Variants in ATG10 observed in about 807,000 individuals in gnomAD.
The protein encoded by ATG10 is autophagy related 10.
Under a neutral mutation model 32.1 loss-of-function variants are expected in ATG10, and 30 were observed. The observed-to-expected ratio is 0.94, with a 90% confidence interval of 0.70 to 1.27. ATG10 has a LOEUF of 1.27. ATG10 is among the 50% of genes most tolerant of loss of function. The pLI is 0.00. For missense variants in ATG10, 233 were observed against 262.3 expected (o/e 0.89, Z 0.77); for synonymous variants, 87 against 91.5 (o/e 0.95, Z 0.28).
intron 5 of ATG10, among the ~76,000 whole-genome samples, chr5:82,190,773 C>CAAAA (rs35513819): frequency 4.5e-4 from 24 of 53,652 alleles, no homozygotes; most frequent in East Asian, 7.4e-4. Context: ...GACTCCATCT[C>CAAAA]AAAAAAAAAA....
chr5:82,002,318 T>C (rs945185516), intron 2 of ATG10, among the ~76,000 whole-genome samples: 1 of 152,190 alleles, frequency 6.6e-6, no homozygotes, highest in African/African-American at 2.4e-5. Context: ...GGAATATAAA[T>C]CATTCTGCCA....
At chr5:82,028,937 C>A (rs1762668461) in intron 2 of ATG10, among the ~76,000 whole-genome samples, 1 of 151,992 alleles carries the variant, frequency 6.6e-6, no homozygotes, top group Non-Finnish European at 1.5e-5. Flanking sequence ...AAAAATGATA[C>A]AATTGTGGTT....
At position 82,164,535 on chromosome 5, in the gene ATG10, T is replaced by A. The variant is rs767228438; in HGVS notation, c.353T>A (p.Leu118Ter). ...VPVLYFRASF[L>*]DGRPLTLKDI... is the part of the protein sequence containing the mutation. ...GTACTTTACTTTAGGGCAAGCTTTT[T>A]AGGTAAGAACATGTCTGAAGCTAAA... The change falls in exon 4 of 8, where the codon TTA becomes TAA. Residue 118 changes from leucine (L) to a stop codon, truncating the protein, a stop_gained and splice_region_variant. Transcript: ENST00000282185. LOFTEE classifies it high-confidence loss of function. 1 of 1,610,330 alleles carries A rather than the reference T, an allele frequency of 6.2e-7. No individual in the cohort carries two copies. The highest frequency in any genetic ancestry group is 2.2e-5 in the East Asian group (1 of 44,836).
At chr5:82,083,877 CAA>C (rs1209970205) in intron 3 of ATG10, among the ~76,000 whole-genome samples, 3 of 152,220 alleles carry the variant, frequency 2.0e-5, no homozygotes, top group African/African-American at 4.8e-5. Context: ...TGCAGAGAAA[CAA>C]GAGCAGAAAA....
intron 3 of ATG10, among the ~76,000 whole-genome samples, chr5:82,157,128 C>T (rs1168664358): frequency 6.6e-6 from 1 of 152,118 alleles, no homozygotes; most frequent in African/African-American, 2.4e-5. Flanking sequence ...AGGTTTTAAT[C>T]CTGCACAGGA....
intron 3 of ATG10, among the ~76,000 whole-genome samples, chr5:82,136,185 C>T (rs1453900743): frequency 1.3e-5 from 2 of 152,104 alleles, no homozygotes; most frequent in African/African-American, 4.8e-5. Context: ...TCCAATTTAC[C>T]AGTCTGTGTC....
At chr5:82,136,061 G>C (rs1350988768) in intron 3 of ATG10, among the ~76,000 whole-genome samples, 2 of 151,204 alleles carry the variant, frequency 1.3e-5, no homozygotes, top group South Asian at 4.2e-4. Flanking sequence ...TTGTTTTTTT[G>C]CTTTCCATTT....
At chr5:82,033,364 T>G (rs1168481573) in intron 2 of ATG10, among the ~76,000 whole-genome samples, 3 of 149,680 alleles carry the variant, frequency 2.0e-5, no homozygotes, top group African/African-American at 7.4e-5. Context: ...TGAGTCAGAG[T>G]TTTGCTCTTA....
chr5:82,077,571 A>AT (rs550996338), intron 3 of ATG10, among the ~76,000 whole-genome samples: 26 of 150,186 alleles, frequency 1.7e-4, no homozygotes, highest in South Asian at 2.1e-4. Flanking sequence ...AGATTAAAAA[A>AT]TTTTTTTTTT....
chr5:81,993,341 T>TTC (rs1761526477), intron 2 of ATG10, among the ~76,000 whole-genome samples: 1 of 41,322 alleles, frequency 2.4e-5, no homozygotes, highest in Admixed American at 3.3e-4. Flanking sequence ...CCTTCCTTCT[T>TTC]TCTTTCTTTC....
intron 4 of ATG10, among the ~76,000 whole-genome samples, chr5:82,176,146 C>T (rs573081754): frequency 6.6e-6 from 1 of 152,184 alleles, no homozygotes; most frequent in Non-Finnish European, 1.5e-5. Flanking sequence ...CAGCATTCTT[C>T]TCTAGGTCTG....
chr5:81,973,484 T>C (rs1159665849), intron 1 of ATG10, among the ~76,000 whole-genome samples: 3 of 152,252 alleles, frequency 2.0e-5, no homozygotes, highest in African/African-American at 4.8e-5. Context: ...CTTCAGTGTT[T>C]ATGCTCAGTT....
intron 2 of ATG10, among the ~76,000 whole-genome samples, chr5:82,000,593 A>G (rs1354545623): frequency 6.6e-6 from 1 of 152,240 alleles, no homozygotes; most frequent in Non-Finnish European, 1.5e-5. Flanking sequence ...AAAAGCTCCT[A>G]GATCTAATAA....
At chr5:82,100,040 G>A (rs761862567) in intron 3 of ATG10, among the ~76,000 whole-genome samples, 15 of 107,482 alleles carry the variant, frequency 1.4e-4, no homozygotes, top group East Asian at 5.5e-4. Flanking sequence ...CTGGAGTCTC[G>A]CTCTGTTGCC....
At chr5:82,154,374 T>G (rs944381733) in intron 3 of ATG10, among the ~76,000 whole-genome samples, 1 of 152,230 alleles carries the variant, frequency 6.6e-6, no homozygotes, top group Non-Finnish European at 1.5e-5. Context: ...GAATATTTAG[T>G]GTATCCTATA....
intron 3 of ATG10, among the ~76,000 whole-genome samples, chr5:82,082,151 TG>T (rs1202989588): frequency 2.2e-4 from 33 of 150,288 alleles, no homozygotes; most frequent in East Asian, 1.4e-3. Flanking sequence ...AGATGAGATT[TG>T]GGGGGGGGGA....
rs569613840 is a variant in ATG10 at position 82,201,226 on chromosome 5, A to G, written c.453+22639A>G. Among the ~76,000 whole-genome samples the G allele has an allele frequency of 2.0e-5, 3 of 152,218 alleles. No individual in the cohort carries two copies. In the East Asian group the frequency reaches 5.8e-4, roughly 29 times the overall value. On this transcript the variant is annotated intron_variant, in intron 5 of 7. Coordinates refer to ENST00000282185, the MANE Select transcript of ATG10 (RefSeq NM_031482.5). ...AAATCTACTGCACTTTTGGTATTTT[A>G]TCTAAGAATTGTTTGCCTCGCCCAA...
intron 2 of ATG10, among the ~76,000 whole-genome samples, chr5:82,003,485 G>C (rs2149685945): frequency 6.6e-6 from 1 of 152,278 alleles, no homozygotes; most frequent in East Asian, 1.9e-4. Flanking sequence ...TCAAAGACAA[G>C]TTAGCTAGTG....
intron 3 of ATG10, among the ~76,000 whole-genome samples, chr5:82,132,588 C>G (rs1766584938): frequency 6.6e-6 from 1 of 152,016 alleles, no homozygotes; most frequent in Non-Finnish European, 1.5e-5. Flanking sequence ...ATGAACTCAT[C>G]CTTTTTTATG....
Sources: allele counts gnomAD v4.1 joint callset (sites outside exome capture counted in the v4.1 genomes callset), GRCh38; gene constraint gnomAD v4.1.1; transcripts MANE v1.5; gene names NCBI Gene and HGNC (gene_info 2026-07-23, HGNC 2026-07-21).